TMEM171: variants seen among roughly 807,000 people sequenced by gnomAD.
TMEM171 encodes the protein proline-rich protein PRP2.
Under a neutral mutation model 19.1 loss-of-function variants are expected in TMEM171, and 16 were observed. The ratio of observed to expected loss-of-function variants is 0.84; its 90% CI spans 0.57 to 1.27. TMEM171 has a LOEUF of 1.27. Ranked by LOEUF, TMEM171 falls within the 50% of genes most tolerant of loss-of-function variation. The pLI is 0.00. For missense variants in TMEM171, 429 were observed against 412.7 expected (o/e 1.04, Z -0.34); for synonymous variants, 153 against 163.4 (o/e 0.94, Z 0.48).
rs757342746 is a variant in TMEM171, at chr5:73,123,856, T to C, written c.483T>C (p.Leu161=). 2 of 1,613,928 alleles carry C rather than the reference T, an allele frequency of 1.2e-6. No homozygotes were observed. The highest frequency in any genetic ancestry group is 1.7e-6 in the Non-Finnish European group (2 of 1,179,934). ...CAGAGCCCCGGATGTGTGGGTTCCT[T>C]TCTCTGCAGATCATGGGGCCCTTGA... is the stretch of plus-strand genomic sequence containing the variant. ...GDSEPRMCGF[L]SLQIMGPLIV... Residue 161 remains leucine (L), a synonymous_variant, in exon 2 of 4, where the codon CTT becomes CTC. Coordinates refer to ENST00000454765, the MANE Select transcript of TMEM171 (RefSeq NM_173490.8).
intron 3 of TMEM171, among the ~76,000 whole-genome samples, chr5:73,131,114 G>A (rs1285254710): frequency 6.6e-6 from 1 of 152,174 alleles, no homozygotes; most frequent in Non-Finnish European, 1.5e-5. Context: ...TAGCCAATAT[G>A]CCTTCCTGCC....
rs752110758 is a variant in TMEM171, at chr5:73,124,004, G to A, written c.631G>A (p.Val211Ile). The A allele has an allele frequency of 6.4e-7, 1 of 1,550,568 alleles. No homozygotes were observed. Among genetic ancestry groups the A allele is most frequent in the East Asian group, 2.3e-5 (1 of 44,324 alleles). Residue 211 changes from valine (V) to isoleucine (I), a missense_variant, in exon 2 of 4, where the codon GTC becomes ATC. Val to Ile is a conservative substitution (Grantham distance 29). Coordinates refer to ENST00000454765, the MANE Select transcript of TMEM171 (RefSeq NM_173490.8). The part of the protein sequence containing the change: ...GQIQIMEPVQ[V>I]TVGDSVIIFP... ...GATCCAGATTATGGAGCCTGTCCAG[G>A]TCACTGTAGGTGGGTTGCTGTTATT... is the stretch of plus-strand genomic sequence containing the variant.
intron 2 of TMEM171, among the ~76,000 whole-genome samples, chr5:73,127,382 A>ATAT (rs879892153): frequency 0.11 from 7,647 of 67,570 alleles, 358 homozygotes; most frequent in Middle Eastern, 0.16. Flanking sequence ...AAAAAAAAAA[A>ATAT]AAATATATAT....
rs1354826632 is a variant in TMEM171 at position 73,128,444 on chromosome 5, C to G, written c.695C>G (p.Ser232Ter). 1 of 1,614,164 alleles carries G rather than the reference C, an allele frequency of 6.2e-7. No individual in the cohort carries two copies. The highest frequency in any genetic ancestry group is 1.7e-5 in the Admixed American group (1 of 60,032). The change falls in exon 3 of 4, where the codon TCA becomes TGA. Residue 232 changes from serine (S) to a stop codon, truncating the protein, a stop_gained. Transcript: ENST00000454765. LOFTEE classifies it high-confidence loss of function. ...PPPPPYFPES[S>*]ASAVAESPGT... is the part of the protein sequence containing the mutation. ...CCACCACCTTACTTTCCTGAATCTT[C>G]AGCTTCTGCGGTCGCTGAGAGTCCT...
At chr5:73,126,368 C>T (rs576230872) in intron 2 of TMEM171, among the ~76,000 whole-genome samples, 5 of 152,270 alleles carry the variant, frequency 3.3e-5, no homozygotes, top group Admixed American at 3.3e-4. Context: ...ACTCTCATTG[C>T]CTTCTCCTTG....
At chr5:73,127,523 G>A (rs1228974060) in intron 2 of TMEM171, among the ~76,000 whole-genome samples, 2 of 141,476 alleles carry the variant, frequency 1.4e-5, no homozygotes, top group Non-Finnish European at 3.1e-5. Context: ...CACAACCTCT[G>A]CCTCCCGGGT....
chr5:73,120,986 G>C (rs1408641558), intron 1 of TMEM171, among the ~76,000 whole-genome samples: 1 of 152,228 alleles, frequency 6.6e-6, no homozygotes, highest in African/African-American at 2.4e-5. Flanking sequence ...AAAACCAATA[G>C]GAGTGTTGGA....
At chr5:73,124,923 C>T (rs891254483) in intron 2 of TMEM171, among the ~76,000 whole-genome samples, 5 of 152,130 alleles carry the variant, frequency 3.3e-5, no homozygotes, top group African/African-American at 1.2e-4. Flanking sequence ...GTTGTGAAAC[C>T]ACTGACATTT....
chr5:73,124,370 C>T lies in TMEM171; in HGVS notation c.640+357C>T, dbSNP rs180888712. ...GCCACCTTAGGGACTCACTAAGTGA[C>T]CCTGTTACCCCTGTTATTCTCACAC... On this transcript the variant is annotated intron_variant, in intron 2 of 3. Coordinates refer to ENST00000454765, the MANE Select transcript of TMEM171 (RefSeq NM_173490.8). Among the ~76,000 whole-genome samples the T allele has an allele frequency of 3.9e-5, 6 of 152,292 alleles. 1 individual carries two copies. Among genetic ancestry groups the T allele is most frequent in the Admixed American group, 3.9e-4 (6 of 15,302 alleles).
Position 73,131,595 on chromosome 5 carries a change from C to T in TMEM171, c.840C>T (p.Thr280=). ...AAAGAGACTGTGAATCTATATATACCATTTCTGGGACGAATTCATCTTCTG... is the reference window on the plus strand; with the variant it reads ...AAAGAGACTGTGAATCTATATATACTATTTCTGGGACGAATTCATCTTCTG... ...ASERDCESIY[T]ISGTNSSSEA... Residue 280 remains threonine, a synonymous_variant, in exon 4 of 4, where the codon ACC becomes ACT. Transcript: ENST00000454765. 6.2e-7 allele frequency: 1 copy of T among 1,613,484 alleles called. No individual in the cohort carries two copies. The highest frequency in any genetic ancestry group is 2.2e-5 in the East Asian group (1 of 44,844).
intron 3 of TMEM171, among the ~76,000 whole-genome samples, chr5:73,129,337 CTGAAG>C (rs1455354446): frequency 2.0e-5 from 3 of 152,146 alleles, no homozygotes; most frequent in African/African-American, 4.8e-5. Context: ...CAATCAGAGG[CTGAAG>C]TGAAGTTACA....
chr5:73,127,977 T>G (rs1744223879), intron 2 of TMEM171, among the ~76,000 whole-genome samples: 1 of 152,146 alleles, frequency 6.6e-6, no homozygotes, highest in Admixed American at 6.5e-5. Flanking sequence ...ACTCCTGGGC[T>G]CAAGCGATCC....
intron 3 of TMEM171, among the ~76,000 whole-genome samples, chr5:73,130,984 T>G (rs1459770061): frequency 6.6e-6 from 1 of 152,182 alleles, no homozygotes; most frequent in Non-Finnish European, 1.5e-5. Flanking sequence ...GTTATCATCT[T>G]CATTTCAAGA....
chr5:73,125,600 A>T (rs1744141473), intron 2 of TMEM171, among the ~76,000 whole-genome samples: 1 of 152,200 alleles, frequency 6.6e-6, no homozygotes, highest in Admixed American at 6.5e-5. Context: ...CTTTAATTTG[A>T]TAGATGTTCT....
At chr5:73,126,816 G>A (rs1025314732) in intron 2 of TMEM171, among the ~76,000 whole-genome samples, 6 of 152,138 alleles carry the variant, frequency 3.9e-5, no homozygotes, top group Non-Finnish European at 7.4e-5. Context: ...CATTTTTTCT[G>A]AACTGTTATT....
In TMEM171 at chr5:73,123,574, C is replaced by G. The variant is rs781382360; in HGVS notation, c.201C>G (p.Ala67=). 2.7e-5 allele frequency: 43 copies of G among 1,614,098 alleles called. No individual in the cohort carries two copies. The Admixed American group carries it at 6.0e-4, about 23-fold the overall frequency. The change falls in exon 2 of 4, where the codon GCC becomes GCG. Residue 67 remains alanine (A), a synonymous_variant. Transcript: ENST00000454765. The stretch of plus-strand genomic sequence containing the variant: ...TCAAGGTGGCGGGGCCTGCATGTGC[C>G]GTGGTTGGGCTTGGGGCTGTGATCC... The part of the protein sequence containing the change: ...MVLKVAGPAC[A]VVGLGAVILA...
intron 1 of TMEM171, among the ~76,000 whole-genome samples, chr5:73,121,314 G>A (rs1230931190): frequency 6.6e-6 from 1 of 152,124 alleles, no homozygotes; most frequent in African/African-American, 2.4e-5. Flanking sequence ...TTCCTGATAG[G>A]ACTTTGCAGC....
Position 73,123,695 on chromosome 5 carries a change from C to T in TMEM171, c.322C>T (p.Gln108Ter), listed in dbSNP as rs775458817. 10 of 1,614,104 alleles carry T rather than the reference C, an allele frequency of 6.2e-6. No homozygotes were observed. In the African/African-American group the frequency reaches 1.3e-4, roughly 22 times the overall value. ...AGCCTTCATCTGTGGAGAGAGCCGC[C>T]AGTTTGCCCAGTGCCTTATCTTTGG... ...DRAFICGESR[Q>*]FAQCLIFGFL... The change falls in exon 2 of 4, where the codon CAG (glutamine) becomes TAG (stop). Residue 108 changes from glutamine (Q) to a stop codon, truncating the protein, a stop_gained. Coordinates refer to ENST00000454765, the MANE Select transcript of TMEM171 (RefSeq NM_173490.8). LOFTEE classifies it high-confidence loss of function.
At chr5:73,121,476 A>T (rs1744006938) in intron 1 of TMEM171, among the ~76,000 whole-genome samples, 2 of 152,276 alleles carry the variant, frequency 1.3e-5, no homozygotes, top group South Asian at 4.2e-4. Context: ...TTTGGAATGT[A>T]CTCCCTGTAG....
Sources: gnomAD v4.1 joint callset for allele counts (sites outside exome capture counted in the v4.1 genomes callset) on GRCh38, gnomAD v4.1.1 for gene constraint, MANE v1.5 for transcripts, NCBI Gene and HGNC (gene_info 2026-07-23, HGNC 2026-07-21) for gene names.